SLC4A7: variants seen among roughly 807,000 people sequenced by gnomAD.
SLC4A7 encodes solute carrier family 4 member 7, also known as sodium bicarbonate cotransporter 3.
In SLC4A7, 51 loss-of-function variants were observed where a neutral mutation model predicts 137.6. The ratio of observed to expected loss-of-function variants is 0.37; its 90% CI spans 0.30 to 0.47. The LOEUF (loss-of-function observed/expected upper bound fraction) is 0.47, where lower values mean the gene tolerates loss of function less well. SLC4A7 is among the 20% of genes least tolerant of loss of function. The probability of loss-of-function intolerance (pLI) is 1.00; values close to 1 mark genes in which losing one functional copy is unlikely to be tolerated. For synonymous variants in SLC4A7, 542 were observed against 518.6 expected, an observed-to-expected ratio of 1.05 and a Z score of -0.61; for missense variants, 1,247 against 1,525.4, an observed-to-expected ratio of 0.82 and a Z score of 3.04.
chr3:27,474,982 C>T (rs1301425228), intron 1 of SLC4A7, among the ~76,000 whole-genome samples: 4 of 152,128 alleles, frequency 2.6e-5, no homozygotes, highest in East Asian at 1.9e-4. Context: ...TGATGGCGCA[C>T]GCCTGTGATC....
In SLC4A7 at chr3:27,450,399, AAAGT is replaced by A. The variant is rs534495360; in HGVS notation, c.143-1606_143-1603del. The stretch of plus-strand genomic sequence containing the variant: ...GCATAATATAGTGAATACATTTAAA[AAAGT>A]GTGTAATTTAAATGGTTAATTTTAT... On this transcript the variant is annotated intron_variant, in intron 2 of 25. Transcript: ENST00000454389. Among the ~76,000 whole-genome samples, 15 of 152,328 alleles carry A rather than the reference AAAGT, an allele frequency of 9.8e-5. No homozygotes were observed. In the South Asian group the frequency reaches 3.1e-3, roughly 32 times the overall value.
Position 27,390,031 on chromosome 3 carries a change from G to A in SLC4A7, c.3260C>T (p.Pro1087Leu). The change falls in exon 22 of 26, where the codon CCG (proline) becomes CTG (leucine). Residue 1087 changes from proline to leucine, a missense_variant. Around this residue, in one of 6 missense-constraint regions of SLC4A7, gnomAD observed 290 missense variants for 323.8 expected, o/e 0.90. Transcript: ENST00000454389. ...QPDLIYLRYV[P>L]LWKVHIFTVI... ...TGTGAAAATATGGACCTTCCAGAGCGGCACATAACGGAGGTATATCAAATC... is the reference window on the plus strand; with the variant it reads ...TGTGAAAATATGGACCTTCCAGAGCAGCACATAACGGAGGTATATCAAATC... The A allele has an allele frequency of 1.9e-6, 3 of 1,612,476 alleles. No individual in the cohort carries two copies. Among genetic ancestry groups the A allele is most frequent in the East Asian group, 2.2e-5 (1 of 44,836 alleles).
chr3:27,471,098 T>C (rs1434902554), intron 1 of SLC4A7, among the ~76,000 whole-genome samples: 2 of 152,350 alleles, frequency 1.3e-5, no homozygotes, highest in East Asian at 3.9e-4. Context: ...TATGTATGCA[T>C]GTATAAAATA....
rs951781561 is a variant in SLC4A7 at position 27,429,246 on chromosome 3, C to CA, written c.1150+2051dup. On this transcript the variant is annotated intron_variant, in intron 7 of 25. Coordinates refer to ENST00000454389, the MANE Select transcript of SLC4A7 (RefSeq NM_001321103.2). ...ACACCACTGCACTCCAGCCTGGCGACAAAGCGAGACTCTCCATCTCCACAA... is the reference window on the plus strand; with the variant it reads ...ACACCACTGCACTCCAGCCTGGCGACAAAAGCGAGACTCTCCATCTCCACAA... 5.3e-5 allele frequency among the ~76,000 whole-genome samples: 8 copies of CA among 151,690 alleles called. No homozygotes were observed. In the Middle Eastern group the frequency reaches 0.01, roughly 195 times the overall value.
chr3:27,398,341 G>GT lies in SLC4A7; in HGVS notation c.2439dup (p.Leu814ThrfsTer42). 1.3e-6 allele frequency: 2 copies of GT among 1,592,326 alleles called. No individual in the cohort carries two copies. The highest frequency in any genetic ancestry group is 1.2e-5 in the South Asian group (1 of 86,694). Reference sequence around the variant, plus strand: ...GCTGACCCCAAGAATACACCACGAAGTTTTTTACATTCCTGGAAAAAAGGA... The same window carrying GT: ...GCTGACCCCAAGAATACACCACGAAGTTTTTTTACATTCCTGGAAAAAAGGA... On this transcript the variant is annotated frameshift_variant, in exon 17 of 26. Transcript: ENST00000454389. LOFTEE classifies it high-confidence loss of function.
At chr3:27,429,813 C>T (rs915600906) in intron 7 of SLC4A7, among the ~76,000 whole-genome samples, 4 of 151,822 alleles carry the variant, frequency 2.6e-5, no homozygotes, top group African/African-American at 4.8e-5. Flanking sequence ...GGCGCCACTG[C>T]GCTCCAGTCT....
rs1030531487 is a variant in SLC4A7 at position 27,391,760 on chromosome 3, A to C, written c.3166T>G (p.Ser1056Ala). ...LYGVFLYMGVSSLKGIQLFDR... is the reference protein window; with the variant it reads ...LYGVFLYMGVASLKGIQLFDR... ...CTTGCCTGGATTCCTTTTAATGAGG[A>C]AACTCCCATATAAAGGAAAACACCA... is the stretch of plus-strand genomic sequence containing the variant. The change falls in exon 21 of 26, where the codon TCC (serine) becomes GCC (alanine). Residue 1056 changes from serine to alanine, a missense_variant. Coordinates refer to ENST00000454389, the MANE Select transcript of SLC4A7 (RefSeq NM_001321103.2). 6.3e-7 allele frequency: 1 copy of C among 1,588,782 alleles called. No individual in the cohort carries two copies.
Position 27,431,591 on chromosome 3 carries a change from G to A in SLC4A7, c.857C>T (p.Pro286Leu). ...ASNLSLRGESPLSLLLGHLLP... is the reference protein window; with the variant it reads ...ASNLSLRGESLLSLLLGHLLP... ...AAGATGACCAAGAAGAAGAGATAAA[G>A]GTGATTCTCCTCTCAAGGAAAGGTT... Residue 286 changes from proline to leucine, a missense_variant, in exon 7 of 26, where the codon CCT becomes CTT. Transcript: ENST00000454389. 6.2e-7 allele frequency: 1 copy of A among 1,613,988 alleles called. No homozygotes were observed. Among genetic ancestry groups the A allele is most frequent in the Non-Finnish European group, 8.5e-7 (1 of 1,179,936 alleles).
At chr3:27,468,663 G>A (rs1461932243) in intron 1 of SLC4A7, among the ~76,000 whole-genome samples, 1 of 152,080 alleles carries the variant, frequency 6.6e-6, no homozygotes, top group Non-Finnish European at 1.5e-5. Flanking sequence ...ACTACGCTGG[G>A]CAGATTACTT....
At chr3:27,425,567 TCGGGAGGCTGAGG>T (rs2055500173) in intron 7 of SLC4A7, among the ~76,000 whole-genome samples, 2 of 141,300 alleles carry the variant, frequency 1.4e-5, no homozygotes, top group Non-Finnish European at 3.0e-5. Flanking sequence ...TCCCAGCTAC[TCGGGAGGCTGAGG>T]CAGGAGAATT....
At chr3:27,427,932 ATGT>A (rs1260593464) in intron 7 of SLC4A7, among the ~76,000 whole-genome samples, 1 of 152,202 alleles carries the variant, frequency 6.6e-6, no homozygotes, top group Non-Finnish European at 1.5e-5. Context: ...TAAGAAGCCA[ATGT>A]GAACCCATCT....
At chr3:27,476,656 G>C (rs897235881) in intron 1 of SLC4A7, among the ~76,000 whole-genome samples, 6 of 152,098 alleles carry the variant, frequency 3.9e-5, no homozygotes, top group African/African-American at 1.4e-4. Flanking sequence ...ATGAGATCTG[G>C]TTGTTTGAGA....
intron 2 of SLC4A7, 62 bp from the exon 3 acceptor site, chr3:27,448,859 A>C (rs1346223909): frequency 1.6e-5 from 19 of 1,215,494 alleles, no homozygotes; most frequent in Non-Finnish European, 1.1e-6. Context: ...GATATATACA[A>C]AAGTACTCCA....
At chr3:27,466,168 T>C (rs1045085895) in intron 1 of SLC4A7, among the ~76,000 whole-genome samples, 14 of 152,032 alleles carry the variant, frequency 9.2e-5, no homozygotes, top group African/African-American at 2.2e-4. Context: ...AGGGGGTACA[T>C]TGGCTGGGCG....
At chr3:27,464,409 T>C (rs1384936499) in intron 1 of SLC4A7, among the ~76,000 whole-genome samples, 1 of 152,042 alleles carries the variant, frequency 6.6e-6, no homozygotes, top group Non-Finnish European at 1.5e-5. Flanking sequence ...TAGTCCATTC[T>C]TCAAAACCAC....
At chr3:27,472,973 G>A (rs1465428018) in intron 1 of SLC4A7, among the ~76,000 whole-genome samples, 2 of 152,028 alleles carry the variant, frequency 1.3e-5, no homozygotes, top group Admixed American at 1.3e-4. Context: ...CCAGCTACTC[G>A]GGAGGCTGAG....
chr3:27,398,440 A>G (rs2052418457), intron 16 of SLC4A7, 87 bp from the exon 17 acceptor site: 5 of 1,166,196 alleles, frequency 4.3e-6, no homozygotes. Flanking sequence ...CGTAAGATGC[A>G]ACTGATTGTA....
rs1283627872 is a variant in SLC4A7, at chr3:27,407,214, GCTCACGCCTGTAAT to G, written c.1941+2128_1941+2141del. On this transcript the variant is annotated intron_variant, in intron 13 of 25. Coordinates refer to ENST00000454389, the MANE Select transcript of SLC4A7 (RefSeq NM_001321103.2). ...AATCACAGCCTGGCTAGGCACGGTG[GCTCACGCCTGTAAT>G]CCCAGCACTTTGGGAGGCTGAGGTG... Among the ~76,000 whole-genome samples, 7 of 151,488 alleles carry G rather than the reference GCTCACGCCTGTAAT, an allele frequency of 4.6e-5. No individual in the cohort carries two copies. The East Asian group carries it at 1.2e-3, about 25-fold the overall frequency.
chr3:27,467,185 G>A (rs1487608079), intron 1 of SLC4A7, among the ~76,000 whole-genome samples: 2 of 152,026 alleles, frequency 1.3e-5, no homozygotes, highest in African/African-American at 2.4e-5. Context: ...TTTTCACTGG[G>A]CCACTTACAA....
Sources: gnomAD v4.1 joint callset for allele counts (sites outside exome capture counted in the v4.1 genomes callset) on GRCh38, gnomAD v4.1.1 for gene constraint, gnomAD v4.1.1 regional missense constraint, MANE v1.5 for transcripts, NCBI Gene and HGNC (gene_info 2026-07-23, HGNC 2026-07-21) for gene names.